MYRIP: variants seen among roughly 807,000 people sequenced by gnomAD.
MYRIP encodes the protein rab effector MyRIP.
A neutral mutation model predicts 98.0 loss-of-function variants in MYRIP; 49 were observed. The ratio of observed to expected loss-of-function variants is 0.50; its 90% CI spans 0.40 to 0.63. The LOEUF (loss-of-function observed/expected upper bound fraction) is 0.63, where lower values mean the gene tolerates loss of function less well. MYRIP is among the 30% of genes least tolerant of loss of function. The pLI, the probability that MYRIP is intolerant of heterozygous loss-of-function variation, is 0.00. For missense variants in MYRIP, 1,004 were observed against 1,058.2 expected (o/e 0.95, Z 0.71); for synonymous variants, 404 against 409.5 (o/e 0.99, Z 0.16).
chr3:39,921,881 C>CAAAAAAAAAAAAAAAA (rs34179419), intron 2 of MYRIP, among the ~76,000 whole-genome samples: 1 of 75,906 alleles, frequency 1.3e-5, no homozygotes, highest in Non-Finnish European at 2.6e-5. Flanking sequence ...GACTCCGTCT[C>CAAAAAAAAAAAAAAAA]AAAAAAAAAA....
At chr3:40,247,003 CTT>C (rs1953227572) in intron 13 of MYRIP, among the ~76,000 whole-genome samples, 1 of 152,168 alleles carries the variant, frequency 6.6e-6, no homozygotes, top group African/African-American at 2.4e-5. Flanking sequence ...TCACCCAAGA[CTT>C]AATCAATTTA....
intron 2 of MYRIP, among the ~76,000 whole-genome samples, chr3:39,955,916 CA>C (rs1445377417): frequency 6.6e-6 from 1 of 152,044 alleles, no homozygotes; most frequent in African/African-American, 2.4e-5. Context: ...CAACAAAGAT[CA>C]AAAGAGACAA....
chr3:40,210,558 G>T (rs939896310), intron 11 of MYRIP, among the ~76,000 whole-genome samples: 4 of 152,088 alleles, frequency 2.6e-5, no homozygotes, highest in Non-Finnish European at 5.9e-5. Flanking sequence ...TGGCCTTCTG[G>T]ATTGTTTCTC....
intron 2 of MYRIP, among the ~76,000 whole-genome samples, chr3:39,970,747 A>G (rs563330024): frequency 2.0e-5 from 3 of 152,252 alleles, no homozygotes; most frequent in South Asian, 2.1e-4. Flanking sequence ...TAAAAATTGT[A>G]TTAGGTGGAT....
chr3:40,106,357 G>T (rs1214916232), intron 3 of MYRIP, among the ~76,000 whole-genome samples: 2 of 152,096 alleles, frequency 1.3e-5, no homozygotes, highest in African/African-American at 4.8e-5. Context: ...TGGATATGGA[G>T]ATCTAATATG....
At chr3:40,099,553 A>G (rs1645008912) in intron 3 of MYRIP, among the ~76,000 whole-genome samples, 1 of 152,174 alleles carries the variant, frequency 6.6e-6, no homozygotes, top group African/African-American at 2.4e-5. Flanking sequence ...CATGCACTGG[A>G]GTCAACATGA....
chr3:39,816,308 T>A (rs1429822744), intron 1 of MYRIP, among the ~76,000 whole-genome samples: 3 of 152,194 alleles, frequency 2.0e-5, no homozygotes, highest in African/African-American at 7.2e-5. Context: ...GGTCTCGATC[T>A]CCTGACCTCA....
At chr3:39,868,957 T>C (rs1942705070) in intron 1 of MYRIP, among the ~76,000 whole-genome samples, 2 of 152,232 alleles carry the variant, frequency 1.3e-5, no homozygotes, top group South Asian at 4.1e-4. Context: ...GTTACTTTTT[T>C]TCTTCTTGAA....
chr3:40,065,756 G>GT (rs559900806), intron 3 of MYRIP, among the ~76,000 whole-genome samples: 3 of 152,112 alleles, frequency 2.0e-5, no homozygotes, highest in Non-Finnish European at 4.4e-5. Context: ...TGGCTCTGTT[G>GT]TCCCCCATCT....
At chr3:40,159,991 A>C (rs1304410203) in intron 4 of MYRIP, among the ~76,000 whole-genome samples, 1 of 152,164 alleles carries the variant, frequency 6.6e-6, no homozygotes, top group Non-Finnish European at 1.5e-5. Flanking sequence ...TTCTTCTCTC[A>C]GGTCGTCAAA....
intron 1 of MYRIP, among the ~76,000 whole-genome samples, chr3:39,878,934 C>G (rs940348506): frequency 2.6e-5 from 4 of 151,088 alleles, no homozygotes; most frequent in African/African-American, 9.7e-5. Context: ...GGCATGGTGG[C>G]GCACGCCTGT....
At chr3:39,957,113 G>A (rs1162353868) in intron 2 of MYRIP, among the ~76,000 whole-genome samples, 2 of 151,860 alleles carry the variant, frequency 1.3e-5, no homozygotes, top group East Asian at 1.9e-4. Flanking sequence ...AAGAGAAGCT[G>A]GTACCATTCC....
chr3:40,069,469 A>T (rs1405460876), intron 3 of MYRIP, among the ~76,000 whole-genome samples: 1 of 152,002 alleles, frequency 6.6e-6, no homozygotes, highest in Admixed American at 6.6e-5. Flanking sequence ...ACCATTATTA[A>T]ATGTACAGCT....
chr3:40,204,015 AATATATATTATATATATT>A (rs1951685056), intron 10 of MYRIP, among the ~76,000 whole-genome samples: 17 of 5,404 alleles, frequency 3.1e-3, no homozygotes, highest in African/African-American at 5.8e-3. Context: ...TATTATATAT[AATATATATTATATATATT>A]ATATATTATA....
rs1369613068 is a variant in MYRIP, at chr3:39,941,507, G to GTA, written c.110+40582_110+40583insAT. Among the ~76,000 whole-genome samples the GTA allele has an allele frequency of 2.4e-3, 368 of 151,048 alleles. 1 individual carries two copies. Among genetic ancestry groups the GTA allele is most frequent in the African/African-American group, 8.6e-3 (351 of 40,890 alleles). On this transcript the variant is annotated intron_variant, in intron 2 of 16. Coordinates refer to ENST00000302541, the MANE Select transcript of MYRIP (RefSeq NM_015460.4). ...AAAATGTATGTGTGTGTGTGTGTGT[G>GTA]TGTATATATATACACACACACACTT...
chr3:40,147,323 A>G (rs1292716538), intron 3 of MYRIP, among the ~76,000 whole-genome samples: 4 of 152,142 alleles, frequency 2.6e-5, no homozygotes, highest in African/African-American at 9.7e-5. Flanking sequence ...ATTCTGCAAG[A>G]TGGGGAAATT....
chr3:40,183,081 A>G (rs1950931787), intron 9 of MYRIP, among the ~76,000 whole-genome samples: 1 of 152,114 alleles, frequency 6.6e-6, no homozygotes, highest in Non-Finnish European at 1.5e-5. Context: ...CAGCAGATGG[A>G]GGAAGGCAGC....
chr3:40,128,349 A>C (rs6766779), intron 3 of MYRIP, among the ~76,000 whole-genome samples: 1 of 152,090 alleles, frequency 6.6e-6, no homozygotes, highest in African/African-American at 2.4e-5. Flanking sequence ...GCCTTCCTAC[A>C]GTCCAGTGGT....
chr3:39,906,071 G>A (rs1202421604), intron 2 of MYRIP, among the ~76,000 whole-genome samples: 1 of 151,970 alleles, frequency 6.6e-6, no homozygotes, highest in African/African-American at 2.4e-5. Flanking sequence ...AAACAGATAT[G>A]GGTATGAGTC....
Sources: gnomAD v4.1 joint callset for allele counts (sites outside exome capture counted in the v4.1 genomes callset) on GRCh38, gnomAD v4.1.1 for gene constraint, MANE v1.5 for transcripts, NCBI Gene and HGNC (gene_info 2026-07-23, HGNC 2026-07-21) for gene names.